Variants in KCNIP4 observed in about 807,000 individuals in gnomAD.
KCNIP4 encodes Kv channel-interacting protein 4.
KCNIP4 carries 12 observed loss-of-function variants against 34.0 expected under a neutral mutation model. That is an observed-to-expected ratio of 0.35 (90% CI 0.23 to 0.57). The LOEUF is 0.57. KCNIP4 is among the 20% of genes least tolerant of loss of function. The pLI, the probability that KCNIP4 is intolerant of heterozygous loss-of-function variation, is 0.83. For synonymous variants in KCNIP4, 124 were observed against 102.2 expected, an observed-to-expected ratio of 1.21 and a Z score of -1.29; for missense variants, 238 against 311.7, an observed-to-expected ratio of 0.76 and a Z score of 1.78.
intron 1 of KCNIP4, among the ~76,000 whole-genome samples, chr4:20,922,565 C>G (rs1729511292): frequency 6.6e-6 from 1 of 151,488 alleles, no homozygotes; most frequent in African/African-American, 2.4e-5. Flanking sequence ...ATCTATCTAT[C>G]TATCTATCTA....
intron 1 of KCNIP4, among the ~76,000 whole-genome samples, chr4:21,076,817 G>T (rs1447432010): frequency 2.0e-5 from 3 of 152,076 alleles, no homozygotes; most frequent in Non-Finnish European, 2.9e-5. Context: ...CTACCGAGTA[G>T]ATTGCTTAAA....
intron 1 of KCNIP4, among the ~76,000 whole-genome samples, chr4:21,814,153 T>C (rs922743991): frequency 6.6e-6 from 1 of 152,174 alleles, no homozygotes; most frequent in African/African-American, 2.4e-5. Context: ...CACGAGGTTA[T>C]AATTCACATA....
intron 3 of KCNIP4, among the ~76,000 whole-genome samples, chr4:20,796,953 G>A (rs956540982): frequency 7.2e-5 from 11 of 152,180 alleles, no homozygotes; most frequent in African/African-American, 2.2e-4. Context: ...AGTAAGTTAT[G>A]AGATTACCTC....
chr4:21,591,557 G>T, intron 1 of KCNIP4, among the ~76,000 whole-genome samples: 1 of 151,990 alleles, frequency 6.6e-6, no homozygotes, highest in African/African-American at 2.4e-5. Context: ...CCTTTTGGAT[G>T]TACGTGTAAA....
intron 1 of KCNIP4, among the ~76,000 whole-genome samples, chr4:21,668,263 T>C (rs1352690713): frequency 6.6e-6 from 1 of 151,888 alleles, no homozygotes; most frequent in Non-Finnish European, 1.5e-5. Flanking sequence ...ACTTAGAGGA[T>C]GGGTCAACAG....
chr4:21,920,665 T>A (rs1275246140), intron 1 of KCNIP4, among the ~76,000 whole-genome samples: 2 of 152,174 alleles, frequency 1.3e-5, no homozygotes, highest in Non-Finnish European at 2.9e-5. Flanking sequence ...AATGTACATA[T>A]GTTATATGCA....
intron 1 of KCNIP4, among the ~76,000 whole-genome samples, chr4:21,203,576 A>T (rs1051078730): frequency 6.6e-6 from 1 of 152,116 alleles, no homozygotes; most frequent in African/African-American, 2.4e-5. Context: ...CTGAACCTGC[A>T]TGTTACCACT....
chr4:20,771,762 T>C (rs1755907491), intron 3 of KCNIP4, among the ~76,000 whole-genome samples: 1 of 152,066 alleles, frequency 6.6e-6, no homozygotes, highest in Admixed American at 6.6e-5. Context: ...CTCCACCTCC[T>C]GGGTTCAAGT....
intron 1 of KCNIP4, among the ~76,000 whole-genome samples, chr4:20,968,805 A>G (rs946474646): frequency 2.0e-5 from 3 of 152,084 alleles, no homozygotes; most frequent in African/African-American, 4.8e-5. Flanking sequence ...GAGGGATAGT[A>G]TTAGGATAAA....
At chr4:21,165,776 G>A (rs1273209989) in intron 1 of KCNIP4, among the ~76,000 whole-genome samples, 1 of 152,168 alleles carries the variant, frequency 6.6e-6, no homozygotes, top group Admixed American at 6.5e-5. Context: ...GAGTGGTATG[G>A]ATTGAATGTT....
intron 1 of KCNIP4, among the ~76,000 whole-genome samples, chr4:21,789,983 C>T (rs919472945): frequency 7.2e-5 from 11 of 152,154 alleles, no homozygotes; most frequent in African/African-American, 2.7e-4. Flanking sequence ...TCTTCATATA[C>T]ATTTGACAGT....
intron 1 of KCNIP4, among the ~76,000 whole-genome samples, chr4:21,192,264 G>A (rs925020553): frequency 1.3e-5 from 2 of 152,296 alleles, no homozygotes; most frequent in East Asian, 3.9e-4. Flanking sequence ...TATCAGTTGA[G>A]TCTCAATTCT....
At chr4:21,001,183 T>C (rs1197769511) in intron 1 of KCNIP4, among the ~76,000 whole-genome samples, 1 of 152,182 alleles carries the variant, frequency 6.6e-6, no homozygotes, top group Non-Finnish European at 1.5e-5. Flanking sequence ...TGAATACACA[T>C]GGTTTCCCCT....
chr4:21,934,447 C>A (rs553300457), intron 1 of KCNIP4, among the ~76,000 whole-genome samples: 1 of 152,170 alleles, frequency 6.6e-6, no homozygotes, highest in South Asian at 2.1e-4. Flanking sequence ...CACTTCCCAC[C>A]AGGCTCCACC....
intron 1 of KCNIP4, among the ~76,000 whole-genome samples, chr4:21,880,867 T>C (rs140807600): frequency 2.0e-4 from 31 of 152,278 alleles, no homozygotes; most frequent in Non-Finnish European, 4.4e-4. Context: ...AATGACCCTA[T>C]AGTTTTAACC....
At chr4:21,897,662 C>T (rs1727474739) in intron 1 of KCNIP4, among the ~76,000 whole-genome samples, 1 of 152,106 alleles carries the variant, frequency 6.6e-6, no homozygotes, top group South Asian at 2.1e-4. Context: ...ATCTAAAGGA[C>T]TTCCAGGAAT....
At chr4:20,774,273 C>A (rs1357078015) in intron 3 of KCNIP4, among the ~76,000 whole-genome samples, 1 of 152,042 alleles carries the variant, frequency 6.6e-6, no homozygotes, top group Non-Finnish European at 1.5e-5. Context: ...TAAATACCAT[C>A]TGCTTATTTA....
At chr4:21,576,923 CATAAT>C (rs1458863699) in intron 1 of KCNIP4, among the ~76,000 whole-genome samples, 3 of 152,176 alleles carry the variant, frequency 2.0e-5, no homozygotes, top group Admixed American at 1.3e-4. Context: ...TAATGACACT[CATAAT>C]AGTAATAGAA....
chr4:21,101,199 G>A (rs1208749818), intron 1 of KCNIP4, among the ~76,000 whole-genome samples: 1 of 152,150 alleles, frequency 6.6e-6, no homozygotes, highest in Non-Finnish European at 1.5e-5. Context: ...CCACTTATAA[G>A]TGAGAATATG....
Sources: allele counts gnomAD v4.1 joint callset (sites outside exome capture counted in the v4.1 genomes callset), GRCh38; gene constraint gnomAD v4.1.1; transcripts MANE v1.5; gene names NCBI Gene and HGNC (gene_info 2026-07-23, HGNC 2026-07-21).